CORIN: variants seen among roughly 807,000 people sequenced by gnomAD.
CORIN encodes the protein corin, serine peptidase, also known as atrial natriuretic peptide-converting enzyme.
A neutral mutation model predicts 125.3 loss-of-function variants in CORIN; 117 were observed. The ratio of observed to expected loss-of-function variants is 0.93; its 90% CI spans 0.80 to 1.09. The LOEUF (loss-of-function observed/expected upper bound fraction) is 1.09, where lower values mean the gene tolerates loss of function less well. Ranked by LOEUF, CORIN falls within the 50% of genes least tolerant of loss-of-function variation. CORIN has a pLI of 0.00. For synonymous variants in CORIN, 450 were observed against 466.4 expected (o/e 0.96, Z 0.45); for missense variants, 1,253 against 1,306.7 (o/e 0.96, Z 0.63).
intron 4 of CORIN, among the ~76,000 whole-genome samples, chr4:47,754,233 C>T (rs1729035088): frequency 6.6e-6 from 1 of 152,132 alleles, no homozygotes; most frequent in African/African-American, 2.4e-5. Flanking sequence ...GAAACCTCAT[C>T]TATCACTTCA....
chr4:47,649,413 G>C (rs1245043585), intron 13 of CORIN, among the ~76,000 whole-genome samples: 2 of 152,234 alleles, frequency 1.3e-5, no homozygotes, highest in Non-Finnish European at 2.9e-5. Context: ...TCAGAAACAA[G>C]ACTATGCTAG....
At chr4:47,632,725 T>TTA (rs5858081) in intron 16 of CORIN, among the ~76,000 whole-genome samples, 1 of 126,658 alleles carries the variant, frequency 7.9e-6, no homozygotes, top group East Asian at 2.8e-4. Flanking sequence ...TGACAATAGA[T>TTA]GATAGATAGA....
In CORIN at chr4:47,733,672, C is replaced by T. The variant is rs540296600; in HGVS notation, c.799+10730G>A. 3.3e-5 allele frequency among the ~76,000 whole-genome samples: 5 copies of T among 152,276 alleles called. No individual in the cohort carries two copies. In the South Asian group the frequency reaches 1.0e-3, roughly 32 times the overall value. On this transcript the variant is annotated intron_variant, in intron 5 of 21. Transcript: ENST00000273857. ...AGAAAGCTCAGCATGATTGATAGGT[C>T]CTGAACTTTAGCCCCCTGAGTTCTC...
chr4:47,789,564 G>T (rs1352930966), intron 2 of CORIN, among the ~76,000 whole-genome samples: 1 of 152,098 alleles, frequency 6.6e-6, no homozygotes, highest in East Asian at 1.9e-4. Context: ...AAACTTAAAG[G>T]ACATGTCTTT....
intron 3 of CORIN, among the ~76,000 whole-genome samples, chr4:47,782,530 A>G (rs1159580131): frequency 6.6e-6 from 1 of 152,226 alleles, no homozygotes; most frequent in African/African-American, 2.4e-5. Flanking sequence ...AAATAACACA[A>G]TTCCACTTCT....
intron 1 of CORIN, among the ~76,000 whole-genome samples, chr4:47,826,445 A>T (rs114947839): frequency 2.6e-5 from 4 of 152,252 alleles, no homozygotes; most frequent in Non-Finnish European, 2.9e-5. Context: ...TCAAGGTGTT[A>T]TCAAGGCTGC....
chr4:47,691,345 C>T (rs760912302), intron 6 of CORIN, among the ~76,000 whole-genome samples: 3 of 152,232 alleles, frequency 2.0e-5, no homozygotes, highest in Admixed American at 6.5e-5. Flanking sequence ...ATTTTGGCTG[C>T]TTTGCACAGC....
rs1385024193 is a variant in CORIN, at chr4:47,806,847, A to G, written c.208+56T>C. 5 of 1,540,450 alleles carry G rather than the reference A, an allele frequency of 3.2e-6. No homozygotes were observed. The South Asian group carries it at 3.7e-5, about 12-fold the overall frequency. On this transcript the variant is annotated intron_variant, in intron 2 of 21. Transcript: ENST00000273857. ...AGTACTAAGTAGAAATCACTCTTCT[A>G]GATCATGCTAATTTTCACTTTAACT...
chr4:47,604,112 T>C (rs1203218514), intron 19 of CORIN, among the ~76,000 whole-genome samples: 2 of 152,190 alleles, frequency 1.3e-5, no homozygotes, highest in African/African-American at 4.8e-5. Context: ...CTTAAAAAGG[T>C]CACCCACGAC....
chr4:47,612,736 G>T (rs1721919068), intron 19 of CORIN, among the ~76,000 whole-genome samples: 1 of 152,160 alleles, frequency 6.6e-6, no homozygotes, highest in African/African-American at 2.4e-5. Flanking sequence ...GGGTCCACAG[G>T]CATCAAAAAG....
intron 3 of CORIN, among the ~76,000 whole-genome samples, chr4:47,779,863 T>A (rs1050155932): frequency 3.3e-5 from 5 of 152,228 alleles, no homozygotes; most frequent in Admixed American, 2.6e-4. Flanking sequence ...ACCCAGTAAC[T>A]TTTGGGTATG....
intron 5 of CORIN, among the ~76,000 whole-genome samples, chr4:47,719,125 A>T (rs548795395): frequency 6.6e-6 from 1 of 152,262 alleles, no homozygotes; most frequent in South Asian, 2.1e-4. Flanking sequence ...GGAAATTTAC[A>T]TCTCCAAATT....
chr4:47,796,648 T>C (rs1208630766), intron 2 of CORIN, among the ~76,000 whole-genome samples: 1 of 152,080 alleles, frequency 6.6e-6, no homozygotes, highest in African/African-American at 2.4e-5. Context: ...TTGCAGAAAT[T>C]GTGGTGATGA....
chr4:47,745,980 A>G (rs1339859303), intron 4 of CORIN, among the ~76,000 whole-genome samples: 1 of 152,220 alleles, frequency 6.6e-6, no homozygotes, highest in Non-Finnish European at 1.5e-5. Flanking sequence ...ATGTAACCAA[A>G]TTCAACAGTG....
chr4:47,732,122 G>A (rs1338602589), intron 5 of CORIN, among the ~76,000 whole-genome samples: 5 of 152,122 alleles, frequency 3.3e-5, no homozygotes, highest in African/African-American at 1.2e-4. Flanking sequence ...ATTTCCCAGA[G>A]AAAATATATA....
chr4:47,755,487 T>C (rs1422889445), intron 4 of CORIN, among the ~76,000 whole-genome samples: 2 of 152,206 alleles, frequency 1.3e-5, no homozygotes, highest in South Asian at 2.1e-4. Flanking sequence ...ATATAAACTT[T>C]AATGCTAAAA....
intron 5 of CORIN, chr4:47,706,729 C>T: frequency 6.2e-7 from 1 of 1,604,130 alleles, no homozygotes. Flanking sequence ...TGAATTCTTA[C>T]TGGGTTGGTG....
rs566853587 is a variant in CORIN at position 47,815,836 on chromosome 4, T to C, written c.64-8789A>G. ...GTTCTAAATTTCACATCTTGATTAT[T>C]CGTTACTACATCTCTAAGAAAGCTA... On this transcript the variant is annotated intron_variant, in intron 1 of 21. Transcript: ENST00000273857. 2.6e-5 allele frequency among the ~76,000 whole-genome samples: 4 copies of C among 152,310 alleles called. No individual in the cohort carries two copies. The South Asian group carries it at 8.3e-4, about 32-fold the overall frequency.
intron 12 of CORIN, among the ~76,000 whole-genome samples, chr4:47,657,219 T>C (rs1724025286): frequency 6.6e-6 from 1 of 152,156 alleles, no homozygotes; most frequent in African/African-American, 2.4e-5. Flanking sequence ...TATTAGGCCA[T>C]TCTTGCACTG....
Sources: allele counts gnomAD v4.1 joint callset (sites outside exome capture counted in the v4.1 genomes callset), GRCh38; gene constraint gnomAD v4.1.1; transcripts MANE v1.5; gene names NCBI Gene and HGNC (gene_info 2026-07-23, HGNC 2026-07-21).